SMARCAD1: variants seen among roughly 807,000 people sequenced by gnomAD.
SMARCAD1 encodes SNF2 related chromatin remodeling ATPase with DExD box 1.
In SMARCAD1, 25 loss-of-function variants were observed where a neutral mutation model predicts 127.1. The observed-to-expected ratio is 0.20, with a 90% CI of 0.14 to 0.27. The LOEUF (loss-of-function observed/expected upper bound fraction) is 0.27. SMARCAD1 is among the 10% of genes least tolerant of loss of function. The probability of loss-of-function intolerance (pLI) is 1.00; values close to 1 mark genes in which losing one functional copy is unlikely to be tolerated. For missense variants in SMARCAD1, 807 were observed against 1,206.0 expected, an observed-to-expected ratio of 0.67 and a Z score of 4.90; for synonymous variants, 400 against 396.9, an observed-to-expected ratio of 1.01 and a Z score of -0.09.
At chr4:94,286,213 G>A (rs552132290) in intron 23 of SMARCAD1, among the ~76,000 whole-genome samples, 3 of 152,082 alleles carry the variant, frequency 2.0e-5, no homozygotes, top group Admixed American at 2.0e-4. Context: ...AAGGAGGGAG[G>A]TTTGTTCTCT....
At chr4:94,230,333 AT>A (rs1390233453) in intron 3 of SMARCAD1, among the ~76,000 whole-genome samples, 1 of 151,308 alleles carries the variant, frequency 6.6e-6, no homozygotes, top group East Asian at 1.9e-4. Context: ...ATGTGTGTAT[AT>A]TCATTTGTTC....
intron 6 of SMARCAD1, among the ~76,000 whole-genome samples, chr4:94,243,296 C>T (rs781091875): frequency 1.6e-4 from 25 of 152,196 alleles, no homozygotes; most frequent in Non-Finnish European, 3.2e-4. Flanking sequence ...GAAGGGGCAG[C>T]AGTGATGCAG....
intron 9 of SMARCAD1, among the ~76,000 whole-genome samples, chr4:94,260,892 TAAA>T (rs1750875725): frequency 6.6e-6 from 1 of 152,172 alleles, no homozygotes; most frequent in Non-Finnish European, 1.5e-5. Flanking sequence ...TTTTAATAAA[TAAA>T]AAGACATCAA....
At chr4:94,239,032 TA>T (rs922569335) in intron 5 of SMARCAD1, among the ~76,000 whole-genome samples, 3 of 152,270 alleles carry the variant, frequency 2.0e-5, no homozygotes, top group Non-Finnish European at 2.9e-5. Flanking sequence ...TTATTTCAAT[TA>T]AAAAAATGTT....
chr4:94,232,564 A>G (rs568270240), intron 3 of SMARCAD1, among the ~76,000 whole-genome samples: 11 of 152,348 alleles, frequency 7.2e-5, no homozygotes, highest in Admixed American at 1.3e-4. Flanking sequence ...TATTTGAAGG[A>G]CAGGCATAGT....
At chr4:94,275,630 A>G (rs1483750115) in intron 14 of SMARCAD1, among the ~76,000 whole-genome samples, 2 of 152,048 alleles carry the variant, frequency 1.3e-5, no homozygotes, top group Admixed American at 6.5e-5. Flanking sequence ...CTAATCTGCT[A>G]GTTTAATAAA....
intron 10 of SMARCAD1, among the ~76,000 whole-genome samples, chr4:94,266,050 G>A (rs1260570094): frequency 6.6e-6 from 1 of 151,980 alleles, no homozygotes; most frequent in African/African-American, 2.4e-5. Context: ...AATCTTTTCT[G>A]TGCCCTTCTA....
chr4:94,285,426 A>T (rs1171185247), intron 23 of SMARCAD1, among the ~76,000 whole-genome samples: 1 of 152,228 alleles, frequency 6.6e-6, no homozygotes, highest in Non-Finnish European at 1.5e-5. Flanking sequence ...GTGTATAAAA[A>T]TAAACACGTG....
At chr4:94,246,660 G>A (rs1342288420) in intron 6 of SMARCAD1, among the ~76,000 whole-genome samples, 2 of 152,110 alleles carry the variant, frequency 1.3e-5, no homozygotes, top group African/African-American at 2.4e-5. Context: ...TGGCATGTAC[G>A]TATCTGACCA....
intron 6 of SMARCAD1, 151 bp from the exon 7 acceptor site, chr4:94,249,503 T>TATTGACATTGTTCACAGAA (rs1331102105): frequency 1.6e-6 from 1 of 615,256 alleles, no homozygotes; most frequent in African/African-American, 1.8e-5. Context: ...CATAAATATG[T>TATTGACATTGTTCACAGAA]CAATGTTCAC....
intron 6 of SMARCAD1, among the ~76,000 whole-genome samples, chr4:94,242,922 A>G (rs935149021): frequency 1.3e-5 from 2 of 152,026 alleles, no homozygotes; most frequent in African/African-American, 4.8e-5. Context: ...CTCACAACAT[A>G]CAAATGAAGT....
chr4:94,236,226 G>A (rs1243344107), intron 4 of SMARCAD1, among the ~76,000 whole-genome samples: 2 of 152,050 alleles, frequency 1.3e-5, no homozygotes, highest in African/African-American at 4.8e-5. Flanking sequence ...ACAAAAAGTA[G>A]CTTATTTAAA....
chr4:94,289,336 CAGG>C, intron 23 of SMARCAD1, 134 bp from the exon 24 acceptor site: 1 of 718,450 alleles, frequency 1.4e-6, no homozygotes, highest in Admixed American at 2.3e-5. Context: ...AAGTTTTTAA[CAGG>C]GGTGAGTGAC....
chr4:94,256,384 CAG>C (rs1197156754), intron 9 of SMARCAD1, among the ~76,000 whole-genome samples: 6 of 152,198 alleles, frequency 3.9e-5, no homozygotes, highest in African/African-American at 1.2e-4. Context: ...TGTTTTGAGA[CAG>C]AGTTTCGCTC....
intron 9 of SMARCAD1, among the ~76,000 whole-genome samples, chr4:94,254,335 TATG>T (rs1466715346): frequency 1.3e-5 from 2 of 152,104 alleles, no homozygotes; most frequent in African/African-American, 4.8e-5. Context: ...AATGGTCTCT[TATG>T]TTGTTGCAGA....
rs1055708740 is a variant in SMARCAD1, at chr4:94,232,479, T to C, written c.369-1475T>C. ...GGAATATAGAGAGGCATAATGAAAA[T>C]TCAAAGTTGAGTACATCAGGAATGA... On this transcript the variant is annotated intron_variant, in intron 3 of 23. Transcript: ENST00000354268. 1.3e-4 allele frequency among the ~76,000 whole-genome samples: 20 copies of C among 152,160 alleles called. No individual in the cohort carries two copies. In the East Asian group the frequency reaches 3.1e-3, roughly 24 times the overall value.
At chr4:94,223,132 G>T (rs1369819368) in intron 2 of SMARCAD1, among the ~76,000 whole-genome samples, 1 of 152,078 alleles carries the variant, frequency 6.6e-6, no homozygotes, top group South Asian at 2.1e-4. Context: ...CAGGTGAAAA[G>T]ATTATTCTTC....
chr4:94,257,946 T>A (rs1450344223), intron 9 of SMARCAD1, among the ~76,000 whole-genome samples: 1 of 152,198 alleles, frequency 6.6e-6, no homozygotes, highest in Non-Finnish European at 1.5e-5. Flanking sequence ...ATGGTAATTT[T>A]GAAGATCATT....
chr4:94,257,990 C>A (rs562939215), intron 9 of SMARCAD1, among the ~76,000 whole-genome samples: 1 of 151,876 alleles, frequency 6.6e-6, no homozygotes, highest in Admixed American at 6.6e-5. Context: ...TATGCAAATG[C>A]CTTTCATAGA....
Sources: allele counts gnomAD v4.1 joint callset (sites outside exome capture counted in the v4.1 genomes callset), GRCh38; gene constraint gnomAD v4.1.1; transcripts MANE v1.5; gene names NCBI Gene and HGNC (gene_info 2026-07-23, HGNC 2026-07-21).